Variants in CSMD1 observed in about 807,000 individuals in gnomAD.
CSMD1 encodes the protein CUB and Sushi multiple domains 1.
Under a neutral mutation model 417.5 loss-of-function variants are expected in CSMD1, and 213 were observed. That is an observed-to-expected ratio of 0.51 (90% CI 0.46 to 0.57). The LOEUF is 0.57. Ranked by LOEUF, CSMD1 falls within the 20% of genes least tolerant of loss-of-function variation. The pLI is 0.00. For missense variants in CSMD1, 6,923 were observed against 4,529.7 expected (o/e 1.53, Z -15.17); for synonymous variants, 2,862 against 1,736.8 (o/e 1.65, Z -16.11).
chr8:4,922,404 G>C (rs1358064488), intron 1 of CSMD1, among the ~76,000 whole-genome samples: 3 of 152,084 alleles, frequency 2.0e-5, no homozygotes, highest in Non-Finnish European at 4.4e-5. Context: ...TGTTTTACTT[G>C]AGAAAAATTA....
At chr8:4,236,992 C>G (rs953367626) in intron 3 of CSMD1, among the ~76,000 whole-genome samples, 2 of 152,218 alleles carry the variant, frequency 1.3e-5, no homozygotes, top group African/African-American at 4.8e-5. Flanking sequence ...TTTTCTCACA[C>G]ACACAAGATC....
At chr8:4,095,428 G>C (rs1445688047) in intron 3 of CSMD1, among the ~76,000 whole-genome samples, 2 of 152,132 alleles carry the variant, frequency 1.3e-5, no homozygotes, top group Non-Finnish European at 2.9e-5. Flanking sequence ...AGTGCAGCTA[G>C]TGATTGTAGT....
At chr8:3,706,092 T>TGG (rs1801151728) in intron 7 of CSMD1, among the ~76,000 whole-genome samples, 1 of 152,138 alleles carries the variant, frequency 6.6e-6, no homozygotes, top group Non-Finnish European at 1.5e-5. Context: ...GCCTGGCCTG[T>TGG]GCCTACCTCC....
intron 1 of CSMD1, among the ~76,000 whole-genome samples, chr8:4,767,121 C>T (rs960887531): frequency 8.5e-5 from 13 of 152,064 alleles, no homozygotes; most frequent in South Asian, 8.3e-4. Context: ...ATTTGGATTT[C>T]GACAAAGCGA....
At chr8:4,329,944 G>C (rs1357847319) in intron 3 of CSMD1, among the ~76,000 whole-genome samples, 1 of 151,938 alleles carries the variant, frequency 6.6e-6, no homozygotes, top group East Asian at 1.9e-4. Context: ...TTTGCTTTCT[G>C]CCATGACTGG....
At chr8:4,726,056 A>G (rs1402500932) in intron 1 of CSMD1, among the ~76,000 whole-genome samples, 1 of 152,192 alleles carries the variant, frequency 6.6e-6, no homozygotes, top group African/African-American at 2.4e-5. Context: ...CACATCGTGG[A>G]CAGTTCAAGC....
chr8:4,089,856 G>A (rs901273221), intron 3 of CSMD1, among the ~76,000 whole-genome samples: 4 of 152,138 alleles, frequency 2.6e-5, no homozygotes, highest in African/African-American at 4.8e-5. Flanking sequence ...ATGGTGGTGG[G>A]ATCTCACCAC....
At chr8:4,070,593 G>T (rs886108319) in intron 3 of CSMD1, among the ~76,000 whole-genome samples, 3 of 151,980 alleles carry the variant, frequency 2.0e-5, no homozygotes, top group African/African-American at 4.8e-5. Context: ...TCCTGACCTC[G>T]TGATCCACCC....
At chr8:3,754,765 C>A (rs980816992) in intron 5 of CSMD1, among the ~76,000 whole-genome samples, 2 of 152,068 alleles carry the variant, frequency 1.3e-5, no homozygotes, top group African/African-American at 4.8e-5. Context: ...ACAAGACTTA[C>A]GAATTCTATG....
At chr8:3,390,800 T>A (rs1811303588) in intron 17 of CSMD1, among the ~76,000 whole-genome samples, 1 of 152,142 alleles carries the variant, frequency 6.6e-6, no homozygotes, top group African/African-American at 2.4e-5. Context: ...TCTGTATGAA[T>A]CAACAGTCTT....
At chr8:2,973,998 A>C (rs369868484) in intron 56 of CSMD1, among the ~76,000 whole-genome samples, 3 of 106,828 alleles carry the variant, frequency 2.8e-5, no homozygotes, top group Admixed American at 8.2e-5. Context: ...GTAGAGGATG[A>C]TGGTAGAGGA....
At chr8:2,999,832 C>G in intron 53 of CSMD1, 126 bp downstream of exon 53, 6 of 805,690 alleles carry the variant, frequency 7.4e-6, no homozygotes, top group Non-Finnish European at 1.1e-5. Context: ...TTTGTATAGG[C>G]AAAACTGAAA....
intron 5 of CSMD1, among the ~76,000 whole-genome samples, chr8:3,878,328 T>G (rs554912319): frequency 6.6e-6 from 1 of 152,164 alleles, no homozygotes; most frequent in Non-Finnish European, 1.5e-5. Flanking sequence ...ACACTATTCT[T>G]TAAAATATTC....
chr8:4,072,401 C>G (rs1343811608), intron 3 of CSMD1, among the ~76,000 whole-genome samples: 2 of 152,216 alleles, frequency 1.3e-5, no homozygotes, highest in Non-Finnish European at 2.9e-5. Context: ...ATTCTATGTA[C>G]CAAGCATTTT....
chr8:3,404,270 G>C (rs1226880654), intron 15 of CSMD1, among the ~76,000 whole-genome samples: 1 of 151,960 alleles, frequency 6.6e-6, no homozygotes, highest in African/African-American at 2.4e-5. Flanking sequence ...GGGAGGCGGA[G>C]GTTGCAGTGA....
chr8:4,155,531 A>G (rs975494099), intron 3 of CSMD1, among the ~76,000 whole-genome samples: 1 of 152,216 alleles, frequency 6.6e-6, no homozygotes, highest in African/African-American at 2.4e-5. Flanking sequence ...AATGGTTAAA[A>G]AAGTTAAGTC....
chr8:3,369,049 G>C (rs1288532615), intron 19 of CSMD1, among the ~76,000 whole-genome samples: 1 of 152,166 alleles, frequency 6.6e-6, no homozygotes, highest in Non-Finnish European at 1.5e-5. Context: ...GATAAACAGA[G>C]AGCAAAACGG....
intron 12 of CSMD1, among the ~76,000 whole-genome samples, chr8:3,458,510 C>T (rs1220803754): frequency 1.3e-5 from 2 of 152,158 alleles, no homozygotes; most frequent in Non-Finnish European, 2.9e-5. Context: ...AGGGTGATGA[C>T]TGGAAACTCA....
intron 46 of CSMD1, among the ~76,000 whole-genome samples, chr8:3,098,267 G>A (rs560916982): frequency 3.3e-4 from 50 of 152,074 alleles, no homozygotes; most frequent in East Asian, 1.9e-3. Context: ...TTGAGTTATC[G>A]CCTTTTAATT....
Sources: gnomAD v4.1 joint callset for allele counts (sites outside exome capture counted in the v4.1 genomes callset) on GRCh38, gnomAD v4.1.1 for gene constraint, MANE v1.5 for transcripts, NCBI Gene and HGNC (gene_info 2026-07-23, HGNC 2026-07-21) for gene names.